FRMD5: variants seen among roughly 807,000 people sequenced by gnomAD.
The protein encoded by FRMD5 is FERM domain containing 5, also known as FERM domain-containing protein 5.
FRMD5 carries 20 observed loss-of-function variants against 69.0 expected under a neutral mutation model. That is an observed-to-expected ratio of 0.29 (90% CI 0.20 to 0.42). The LOEUF (loss-of-function observed/expected upper bound fraction) is 0.42. FRMD5 is among the 10% of genes least tolerant of loss of function. The pLI, the probability that FRMD5 is intolerant of heterozygous loss-of-function variation, is 1.00. For synonymous variants in FRMD5, 271 were observed against 260.1 expected, an observed-to-expected ratio of 1.04 and a Z score of -0.40; for missense variants, 595 against 708.6, an observed-to-expected ratio of 0.84 and a Z score of 1.82.
At chr15:43,878,048 A>T (rs1595471427) in intron 13 of FRMD5, among the ~76,000 whole-genome samples, 2 of 152,224 alleles carry the variant, frequency 1.3e-5, no homozygotes, top group East Asian at 3.9e-4. Flanking sequence ...CATTGCCTAG[A>T]CTGGAGTGCA....
intron 1 of FRMD5, among the ~76,000 whole-genome samples, chr15:44,138,444 C>T (rs1258817672): frequency 6.6e-6 from 1 of 152,138 alleles, no homozygotes; most frequent in Non-Finnish European, 1.5e-5. Flanking sequence ...ATTAGACTGA[C>T]AGCAAACACT....
intron 1 of FRMD5, among the ~76,000 whole-genome samples, chr15:44,125,285 G>A (rs1171097657): frequency 7.2e-5 from 11 of 152,004 alleles, no homozygotes; most frequent in Admixed American, 7.2e-4. Context: ...CTGGGCAACA[G>A]GGTGAGACCC....
chr15:43,900,429 AC>A, intron 7 of FRMD5, among the ~76,000 whole-genome samples: 1 of 152,322 alleles, frequency 6.6e-6, no homozygotes, highest in South Asian at 2.1e-4. Flanking sequence ...CCCCAAGAAC[AC>A]AGGGGTTACT....
chr15:44,100,049 T>A (rs537912475), intron 1 of FRMD5, among the ~76,000 whole-genome samples: 1 of 139,780 alleles, frequency 7.2e-6, no homozygotes, highest in Non-Finnish European at 1.5e-5. Flanking sequence ...CTTCTTCTCT[T>A]TTTTTTTTTT....
At chr15:44,016,274 G>A (rs1890951686) in intron 1 of FRMD5, among the ~76,000 whole-genome samples, 1 of 152,138 alleles carries the variant, frequency 6.6e-6, no homozygotes, top group Admixed American at 6.5e-5. Flanking sequence ...AATCTAGTGG[G>A]AATTATACCA....
chr15:44,046,793 A>G (rs971412635), intron 1 of FRMD5, among the ~76,000 whole-genome samples: 2 of 152,240 alleles, frequency 1.3e-5, no homozygotes, highest in African/African-American at 2.4e-5. Context: ...TGGAAGTTAT[A>G]TAAGGATAGC....
Position 43,885,728 on chromosome 15 carries a change from T to C in FRMD5, c.912A>G (p.Thr304=). ...YKLEKSSQVR[T]VSSSNLFFKG... Reference sequence around the variant, plus strand: ...TAAAGAATAAATTGCTGCTGGACACTGTGCGGACTTGGCTTGACTTCTCCA... The same window carrying C: ...TAAAGAATAAATTGCTGCTGGACACCGTGCGGACTTGGCTTGACTTCTCCA... Residue 304 remains threonine, a synonymous_variant, in exon 11 of 14, where the codon ACA becomes ACG. Coordinates refer to ENST00000417257, the MANE Select transcript of FRMD5 (RefSeq NM_032892.5). 6.2e-7 allele frequency: 1 copy of C among 1,614,222 alleles called. No homozygotes were observed. The highest frequency in any genetic ancestry group is 8.5e-7 in the Non-Finnish European group (1 of 1,180,006).
chr15:44,110,269 T>C (rs766038573), intron 1 of FRMD5, among the ~76,000 whole-genome samples: 5 of 152,160 alleles, frequency 3.3e-5, no homozygotes, highest in Non-Finnish European at 7.3e-5. Context: ...TATAGCTTAC[T>C]ACAGCCTCAA....
chr15:43,886,381 G>A (rs1313651682), intron 10 of FRMD5, among the ~76,000 whole-genome samples: 1 of 152,204 alleles, frequency 6.6e-6, no homozygotes, highest in Non-Finnish European at 1.5e-5. Flanking sequence ...AGTCCGTCAT[G>A]TATTTGAATT....
intron 1 of FRMD5, among the ~76,000 whole-genome samples, chr15:43,930,890 T>C (rs1162142600): frequency 6.6e-6 from 1 of 152,148 alleles, no homozygotes; most frequent in Non-Finnish European, 1.5e-5. Context: ...GAGGACTAAG[T>C]GTTCTGTCAG....
intron 1 of FRMD5, among the ~76,000 whole-genome samples, chr15:44,014,640 C>T (rs529583315): frequency 9.9e-5 from 15 of 151,980 alleles, no homozygotes; most frequent in African/African-American, 2.2e-4. Flanking sequence ...AGGAGGCTGA[C>T]GCAGGAGAAT....
rs951953433 is a variant in FRMD5, at chr15:43,958,479, G to A, written c.103-34170C>T. On this transcript the variant is annotated intron_variant, in intron 1 of 13. Coordinates refer to ENST00000417257, the MANE Select transcript of FRMD5 (RefSeq NM_032892.5). Reference sequence around the variant, plus strand: ...TCACTCTGTCGCCCAGGAGCGCAGTGGCAACATCACAATCACGATCGTGGC... The same window carrying A: ...TCACTCTGTCGCCCAGGAGCGCAGTAGCAACATCACAATCACGATCGTGGC... Among the ~76,000 whole-genome samples the A allele has an allele frequency of 4.6e-5, 7 of 152,146 alleles. 1 individual carries two copies. Among genetic ancestry groups the A allele is most frequent in the Non-Finnish European group, 1.0e-4 (7 of 68,036 alleles).
At chr15:43,876,215 T>A in intron 13 of FRMD5, 1 of 1,590,646 alleles carries the variant, frequency 6.3e-7, no homozygotes, top group South Asian at 1.1e-5. Flanking sequence ...TCCCCGCTTT[T>A]CCAGAACCAC....
intron 4 of FRMD5, among the ~76,000 whole-genome samples, chr15:43,916,881 C>T (rs984351321): frequency 1.3e-5 from 2 of 151,272 alleles, no homozygotes; most frequent in African/African-American, 2.4e-5. Context: ...TGGGTTCAAG[C>T]GATTCTCCTG....
At chr15:44,077,976 T>A (rs960054941) in intron 1 of FRMD5, among the ~76,000 whole-genome samples, 1 of 152,144 alleles carries the variant, frequency 6.6e-6, no homozygotes, top group Non-Finnish European at 1.5e-5. Flanking sequence ...GTATATTTTT[T>A]ATGTCTATAT....
chr15:44,110,476 T>C (rs527743294), intron 1 of FRMD5, among the ~76,000 whole-genome samples: 1 of 152,290 alleles, frequency 6.6e-6, no homozygotes, highest in East Asian at 1.9e-4. Context: ...GCTTGCAAGG[T>C]TTCTGAGAAG....
At chr15:43,889,063 GTT>G (rs1250181526) in intron 8 of FRMD5, among the ~76,000 whole-genome samples, 191 bp from the exon 9 acceptor site, 1 of 152,188 alleles carries the variant, frequency 6.6e-6, no homozygotes, top group African/African-American at 2.4e-5. Context: ...TCAATCCACA[GTT>G]TTCTGGTCAA....
chr15:44,199,100 T>C (rs537925858), upstream of FRMD5, among the ~76,000 whole-genome samples: 120 of 152,300 alleles, frequency 7.9e-4, no homozygotes, highest in African/African-American at 2.7e-3. Context: ...CTTTAGCCAA[T>C]GCAACCTTCA....
intron 12 of FRMD5, among the ~76,000 whole-genome samples, chr15:43,884,256 C>T (rs2088608166): frequency 6.6e-6 from 1 of 152,186 alleles, no homozygotes; most frequent in South Asian, 2.1e-4. Flanking sequence ...CAAATCCTAC[C>T]CTTCTTGGTC....
Sources: allele counts gnomAD v4.1 joint callset (sites outside exome capture counted in the v4.1 genomes callset), GRCh38; gene constraint gnomAD v4.1.1; transcripts MANE v1.5; gene names NCBI Gene and HGNC (gene_info 2026-07-23, HGNC 2026-07-21).